Variants in SLC12A7 observed in about 807,000 individuals in gnomAD.
SLC12A7 encodes solute carrier family 12 member 7, also known as K-Cl cotransporter 4.
In SLC12A7, 100 loss-of-function variants were observed where a neutral mutation model predicts 120.6. The ratio of observed to expected loss-of-function variants is 0.83; its 90% CI spans 0.71 to 0.98. The LOEUF is 0.98. SLC12A7 is among the 50% of genes least tolerant of loss of function. The probability of loss-of-function intolerance (pLI) is 0.00; values close to 1 mark genes in which losing one functional copy is unlikely to be tolerated. For synonymous variants in SLC12A7, 760 were observed against 678.0 expected, an observed-to-expected ratio of 1.12 and a Z score of -1.88; for missense variants, 1,373 against 1,548.1, an observed-to-expected ratio of 0.89 and a Z score of 1.90.
chr5:1,055,616 C>G lies in SLC12A7; in HGVS notation c.3026+1855G>C, dbSNP rs370080629. Among the ~76,000 whole-genome samples, 11 of 152,356 alleles carry G rather than the reference C, an allele frequency of 7.2e-5. No homozygotes were observed. In the East Asian group the frequency reaches 1.7e-3, roughly 24 times the overall value. On this transcript the variant is annotated intron_variant, in intron 22 of 23. Coordinates refer to ENST00000264930, the MANE Select transcript of SLC12A7 (RefSeq NM_006598.3). Reference sequence around the variant, plus strand: ...CATTCTGGCCCACCTTCTCCTGACCCTACAGGCCTGTGGGGACCTGCCCCC... The same window carrying G: ...CATTCTGGCCCACCTTCTCCTGACCGTACAGGCCTGTGGGGACCTGCCCCC...
the SLC12A7 span, among the ~76,000 whole-genome samples, chr5:1,153,623 C>A: frequency 3.4e-3 from 515 of 152,302 alleles, 3 homozygotes; most frequent in African/African-American, 0.012. Context: ...GCCCCTGTTG[C>A]CACAAGCCGT....
intron 9 of SLC12A7, among the ~76,000 whole-genome samples, chr5:1,080,742 TGAG>T (rs1738966662): frequency 6.6e-6 from 1 of 152,168 alleles, no homozygotes; most frequent in African/African-American, 2.4e-5. Context: ...GCCCACTGTT[TGAG>T]GAGGACACAG....
At chr5:1,076,932 T>TCA (rs1316854056) in intron 12 of SLC12A7, 120 bp from the exon 13 acceptor site, 2 of 719,442 alleles carry the variant, frequency 2.8e-6, no homozygotes, top group African/African-American at 3.4e-5. Flanking sequence ...GAAACGCCTT[T>TCA]CACAGTAGGT....
intron 9 of SLC12A7, 49 bp downstream of exon 9, chr5:1,081,528 G>A (rs186366198): frequency 6.4e-7 from 1 of 1,568,922 alleles, no homozygotes; most frequent in Admixed American, 1.7e-5. Flanking sequence ...CCTCAAAAAA[G>A]AGAGGGAGAG....
At chr5:1,061,845 C>A (rs1736325497) in intron 20 of SLC12A7, among the ~76,000 whole-genome samples, 1 of 152,094 alleles carries the variant, frequency 6.6e-6, no homozygotes, top group African/African-American at 2.4e-5. Context: ...ACCTGTAGTC[C>A]CAGCTACTCA....
the SLC12A7 span, among the ~76,000 whole-genome samples, chr5:1,120,896 G>A: frequency 3.3e-5 from 5 of 152,332 alleles, 1 homozygote; most frequent in South Asian, 8.3e-4. Context: ...GGCTTGGAAC[G>A]GCCACGCTTC....
At chr5:1,067,761 G>A (rs981140146) in intron 17 of SLC12A7, among the ~76,000 whole-genome samples, 14 of 152,176 alleles carry the variant, frequency 9.2e-5, no homozygotes, top group Admixed American at 5.2e-4. Flanking sequence ...AGGAGGACGC[G>A]GCACTGCCCT....
intron 21 of SLC12A7, 49 bp downstream of exon 21, chr5:1,060,295 G>T: frequency 7.1e-7 from 1 of 1,414,630 alleles, no homozygotes; most frequent in Non-Finnish European, 1.0e-6. Flanking sequence ...GGCGAAGTCG[G>T]CTATACTTCT....
intron 1 of SLC12A7, among the ~76,000 whole-genome samples, chr5:1,107,382 G>A (rs943779863): frequency 6.6e-6 from 1 of 152,198 alleles, no homozygotes; most frequent in African/African-American, 2.4e-5. Context: ...CAGGTCCAGG[G>A]AGCTGTGTAG....
intron 22 of SLC12A7, among the ~76,000 whole-genome samples, chr5:1,055,072 C>T (rs963784727): frequency 5.3e-5 from 8 of 152,092 alleles, no homozygotes; most frequent in Non-Finnish European, 8.8e-5. Context: ...TGGAGTATGC[C>T]GGCCGCCACA....
chr5:1,088,512 G>C (rs1005830442), intron 4 of SLC12A7, 152 bp from the exon 5 acceptor site: 1 of 815,590 alleles, frequency 1.2e-6, no homozygotes, highest in South Asian at 1.6e-5. Context: ...TAGGAAACAG[G>C]ACCTGGAGGC....
intron 1 of SLC12A7, among the ~76,000 whole-genome samples, chr5:1,099,573 C>A (rs74951180): frequency 0.023 from 3,426 of 147,362 alleles, 59 homozygotes; most frequent in Non-Finnish European, 0.037. Context: ...GCCATGGTAC[C>A]GACCTCCACA....
At chr5:1,138,503 C>G in the SLC12A7 span, among the ~76,000 whole-genome samples, 1 of 152,192 alleles carries the variant, frequency 6.6e-6, no homozygotes, top group African/African-American at 2.4e-5. Context: ...AGAGGCCCAG[C>G]GGGCTTCACC....
the SLC12A7 span, among the ~76,000 whole-genome samples, chr5:1,148,208 T>TC: frequency 1.4e-3 from 191 of 139,124 alleles, no homozygotes; most frequent in South Asian, 0.023. Context: ...TTTCTTTCTT[T>TC]TTTTTTTTTT....
rs747555872 is a variant in SLC12A7 at position 1,078,020 on chromosome 5, G to GGGCA, written c.1455-17_1455-14dup. On this transcript the variant is annotated splice_polypyrimidine_tract_variant and intron_variant, in intron 11 of 23. Transcript: ENST00000264930. ...GGCCTCCCCGAACCTGCAGGCAGGCGGGCAGGCGGGCGGGCGGCTTTCAGA... is the reference window on the plus strand; with the variant it reads ...GGCCTCCCCGAACCTGCAGGCAGGCGGGCAGGCAGGCGGGCGGGCGGCTTTCAGA... 1.1e-5 allele frequency: 16 copies of GGGCA among 1,522,492 alleles called. No homozygotes were observed. Among genetic ancestry groups the GGGCA allele is most frequent in the Admixed American group, 1.0e-4 (5 of 48,420 alleles). The allele number at this position is 1,522,492 out of a possible 1,614,324, so 94.3% of individuals were successfully genotyped here.
At position 1,052,287 on chromosome 5, in the gene SLC12A7, G is replaced by T; in HGVS notation, c.*73C>A. On this transcript the variant is annotated 3_prime_UTR_variant, in exon 24 of 24. Coordinates refer to ENST00000264930, the MANE Select transcript of SLC12A7 (RefSeq NM_006598.3). The stretch of plus-strand genomic sequence containing the variant: ...AGGTGTGTCTGCCGTCTGTTTCCCT[G>T]GGCCAAGCCCAGGCCCAGGCTGCCC... The T allele has an allele frequency of 7.8e-7, 1 of 1,289,126 alleles. No homozygotes were observed. Among genetic ancestry groups the T allele is most frequent in the Non-Finnish European group, 1.1e-6 (1 of 887,002 alleles). 79.9% of individuals were successfully genotyped at this position (1,289,126 alleles called of 1,614,324 possible).
the SLC12A7 span, among the ~76,000 whole-genome samples, chr5:1,148,991 T>G: frequency 6.6e-6 from 1 of 152,140 alleles, no homozygotes; most frequent in Admixed American, 6.5e-5. Flanking sequence ...CATGTCACAT[T>G]TTATGAATCC....
At chr5:1,093,695 G>A (rs764205993) in intron 2 of SLC12A7, 40 bp from the exon 3 acceptor site, 30 of 1,605,562 alleles carry the variant, frequency 1.9e-5, no homozygotes, top group South Asian at 6.6e-5. Flanking sequence ...CCCGCACCTC[G>A]CCGTGGGCCC....
chr5:1,070,018 GGGC>G, intron 17 of SLC12A7, among the ~76,000 whole-genome samples: 1 of 14,364 alleles, frequency 7.0e-5, no homozygotes, highest in African/African-American at 1.1e-4. Flanking sequence ...CCCAGCACAC[GGGC>G]ATCACACTTA....
Sources: allele counts gnomAD v4.1 joint callset (sites outside exome capture counted in the v4.1 genomes callset), GRCh38; gene constraint gnomAD v4.1.1; transcripts MANE v1.5; gene names NCBI Gene and HGNC (gene_info 2026-07-23, HGNC 2026-07-21).